The following RNF125 variants were observed in gnomAD, a reference collection of about 807,000 sequenced individuals.
RNF125 encodes E3 ubiquitin-protein ligase RNF125.
A neutral mutation model predicts 26.0 loss-of-function variants in RNF125; 21 were observed. That is an observed-to-expected ratio of 0.81 (90% CI 0.57 to 1.16). The LOEUF is 1.16. Among genes scored for constraint, RNF125 ranks in the 50% most tolerant of loss-of-function variants. The pLI is 0.00. For synonymous variants in RNF125, 95 were observed against 109.2 expected (o/e 0.87, Z 0.81); for missense variants, 270 against 299.4 (o/e 0.90, Z 0.72).
intron 1 of RNF125, among the ~76,000 whole-genome samples, chr18:32,025,875 G>A (rs1194707700): frequency 6.6e-6 from 1 of 151,718 alleles, no homozygotes; most frequent in African/African-American, 2.4e-5. Context: ...AGTCTTAGAG[G>A]AGCCAATTTG....
chr18:32,019,126 C>T (rs2038960870), intron 1 of RNF125, 99 bp downstream of exon 1: 3 of 1,431,276 alleles, frequency 2.1e-6, no homozygotes, highest in African/African-American at 2.9e-5. Context: ...GGAAGACAGC[C>T]TCTTAGGAAA....
intron 1 of RNF125, among the ~76,000 whole-genome samples, chr18:32,020,921 G>GA (rs757025423): frequency 2.6e-5 from 4 of 151,478 alleles, no homozygotes; most frequent in East Asian, 3.9e-4. Context: ...AAAAAAGAAA[G>GA]AAAAAAAAGA....
intron 4 of RNF125, among the ~76,000 whole-genome samples, chr18:32,054,582 A>G (rs59424188): frequency 0.091 from 13,875 of 152,180 alleles, 2,060 homozygotes; most frequent in African/African-American, 0.31. Context: ...AGGGAAGGAA[A>G]GTTATATCAT....
At chr18:32,029,654 C>A (rs1456288548) in intron 1 of RNF125, among the ~76,000 whole-genome samples, 1 of 151,886 alleles carries the variant, frequency 6.6e-6, no homozygotes, top group Non-Finnish European at 1.5e-5. Flanking sequence ...AAAGGAAATA[C>A]TCAAAGACAT....
chr18:32,022,317 C>A (rs1465241861), intron 1 of RNF125, among the ~76,000 whole-genome samples: 3 of 152,158 alleles, frequency 2.0e-5, no homozygotes, highest in Non-Finnish European at 1.5e-5. Context: ...TAGTAACTGG[C>A]CCTTACAGAG....
Position 32,068,593 on chromosome 18 carries a change from C to A in RNF125, c.*209C>A. The A allele has an allele frequency of 2.3e-6, 1 of 438,226 alleles. No individual in the cohort carries two copies. Among genetic ancestry groups the A allele is most frequent in the Non-Finnish European group, 4.1e-6 (1 of 243,360 alleles). The allele number at this position is 438,226 out of a possible 1,614,324, so 27.1% of individuals were successfully genotyped here. On this transcript the variant is annotated 3_prime_UTR_variant, in exon 6 of 6. Coordinates refer to ENST00000217740, the MANE Select transcript of RNF125 (RefSeq NM_017831.4). ...TTACATCCTTGAGATTCTTACACAT[C>A]TAACAACAAAAAAAATTATCTACAT...
Position 32,045,634 on chromosome 18 carries a change from A to C in RNF125, c.414-8A>C, listed in dbSNP as rs1311282823. Reference sequence around the variant, plus strand: ...TTTAATATTATTTGTATTCTGTGCTATTTCCAGGTGTGTATGTCCCTTTTG... The same window carrying C: ...TTTAATATTATTTGTATTCTGTGCTCTTTCCAGGTGTGTATGTCCCTTTTG... On this transcript the variant is annotated splice_polypyrimidine_tract_variant and splice_region_variant and intron_variant, in intron 3 of 5. Coordinates refer to ENST00000217740, the MANE Select transcript of RNF125 (RefSeq NM_017831.4). 3.2e-6 allele frequency: 5 copies of C among 1,587,224 alleles called. No homozygotes were observed. The highest frequency in any genetic ancestry group is 3.4e-6 in the Non-Finnish European group (4 of 1,160,900).
downstream of RNF125, among the ~76,000 whole-genome samples, chr18:32,074,827 G>A (rs978112075): frequency 2.0e-5 from 3 of 152,200 alleles, no homozygotes; most frequent in African/African-American, 7.2e-5. Context: ...ACAGGCGTGA[G>A]CCACCACGCC....
At chr18:32,067,693 G>A (rs1393245922) in intron 5 of RNF125, among the ~76,000 whole-genome samples, 2 of 152,154 alleles carry the variant, frequency 1.3e-5, no homozygotes, top group African/African-American at 2.4e-5. Context: ...TTTGGATTTT[G>A]TGGGGGTTTT....
intron 1 of RNF125, among the ~76,000 whole-genome samples, chr18:32,036,645 GA>G (rs1297933763): frequency 3.4e-5 from 4 of 117,964 alleles, no homozygotes; most frequent in Non-Finnish European, 5.4e-5. Flanking sequence ...AGGGAGGGGA[GA>G]GGGGAGGGGA....
intron 4 of RNF125, among the ~76,000 whole-genome samples, chr18:32,055,620 T>G: frequency 6.6e-6 from 1 of 152,164 alleles, no homozygotes; most frequent in East Asian, 1.9e-4. Flanking sequence ...TGGGGGAAAC[T>G]GCCCCCATGA....
At chr18:32,079,210 C>T in the RNF125 span, among the ~76,000 whole-genome samples, 1 of 152,180 alleles carries the variant, frequency 6.6e-6, no homozygotes, top group Non-Finnish European at 1.5e-5. Flanking sequence ...TCACTGCGTC[C>T]TTACATGGTG....
At chr18:32,075,026 C>T (rs1397504048), downstream of RNF125, among the ~76,000 whole-genome samples, 5 of 152,092 alleles carry the variant, frequency 3.3e-5, no homozygotes, top group Non-Finnish European at 7.4e-5. Flanking sequence ...CAGTGTACTC[C>T]TTGTGTGCCG....
intron 4 of RNF125, among the ~76,000 whole-genome samples, chr18:32,046,632 T>C (rs913548954): frequency 6.6e-6 from 1 of 151,822 alleles, no homozygotes; most frequent in Non-Finnish European, 1.5e-5. Flanking sequence ...ATAGTGTTAT[T>C]ATGACACTAC....
chr18:32,090,040 G>T, the RNF125 span, among the ~76,000 whole-genome samples: 521 of 152,340 alleles, frequency 3.4e-3, 1 homozygote, highest in African/African-American at 0.012. Flanking sequence ...GAGGCCAGGA[G>T]TTCGAGACTA....
intron 2 of RNF125, among the ~76,000 whole-genome samples, chr18:32,039,149 C>G (rs2039191558): frequency 6.6e-6 from 1 of 151,492 alleles, no homozygotes; most frequent in Non-Finnish European, 1.5e-5. Flanking sequence ...TGCCTGTAAT[C>G]CCAGCACTTT....
chr18:32,068,330 AAG>A lies in RNF125; in HGVS notation c.648_649del (p.Arg216SerfsTer8), dbSNP rs770950994. ...FNIIEEALIRRVLDRSLLEYV... is the reference protein window; with the variant it reads ...FNIIEEALIRXVLDRSLLEYV... ...ATATAATTGAGGAAGCTCTTATCCGAAGAGTCTTAGACCGGTCACTTCTTGAA... is the reference window on the plus strand; with the variant it reads ...ATATAATTGAGGAAGCTCTTATCCGAAGTCTTAGACCGGTCACTTCTTGAA... On this transcript the variant is annotated frameshift_variant, in exon 6 of 6. Transcript: ENST00000217740. LOFTEE classifies it high-confidence loss of function. 2 of 1,589,254 alleles carry A rather than the reference AAG, an allele frequency of 1.3e-6. No homozygotes were observed. The highest frequency in any genetic ancestry group is 1.7e-5 in the Admixed American group (1 of 59,900).
intron 4 of RNF125, among the ~76,000 whole-genome samples, chr18:32,048,657 T>C (rs931689539): frequency 1.1e-4 from 16 of 152,154 alleles, no homozygotes; most frequent in African/African-American, 3.9e-4. Flanking sequence ...CTGTGGTCTA[T>C]AGCAAGTTCA....
the RNF125 span, among the ~76,000 whole-genome samples, chr18:32,085,373 C>CAGAGAGAGAG: frequency 4.5e-3 from 577 of 128,760 alleles, 5 homozygotes; most frequent in African/African-American, 0.01. Flanking sequence ...CTGCCAGAAG[C>CAGAGAGAGAG]AGAGAGAGAG....
Sources: gnomAD v4.1 joint callset for allele counts (sites outside exome capture counted in the v4.1 genomes callset) on GRCh38, gnomAD v4.1.1 for gene constraint, MANE v1.5 for transcripts, NCBI Gene and HGNC (gene_info 2026-07-23, HGNC 2026-07-21) for gene names.